KAZN: variants seen among roughly 807,000 people sequenced by gnomAD.
KAZN encodes the protein kazrin, periplakin interacting protein.
A neutral mutation model predicts 87.4 loss-of-function variants in KAZN; 40 were observed. The ratio of observed to expected loss-of-function variants is 0.46; its 90% CI spans 0.36 to 0.60. The LOEUF (loss-of-function observed/expected upper bound fraction) is 0.60. Among genes scored for constraint, KAZN ranks in the 20% least tolerant of loss-of-function variants. KAZN has a pLI of 0.00. For synonymous variants in KAZN, 466 were observed against 458.3 expected (o/e 1.02, Z -0.22); for missense variants, 898 against 1,073.9 (o/e 0.84, Z 2.29).
At chr1:15,087,045 C>G (rs1640290979) in intron 8 of KAZN, among the ~76,000 whole-genome samples, 1 of 152,228 alleles carries the variant, frequency 6.6e-6, no homozygotes, top group Non-Finnish European at 1.5e-5. Flanking sequence ...AGAACTACAA[C>G]TACTATACTA....
chr1:15,109,947 G>GTT (rs1159608021), intron 13 of KAZN, among the ~76,000 whole-genome samples: 28 of 150,804 alleles, frequency 1.9e-4, no homozygotes, highest in African/African-American at 3.2e-4. Flanking sequence ...GTGTGTTTGT[G>GTT]TATGTGTTTG....
At chr1:14,062,485 C>T (rs1296043165) in intron 1 of KAZN, among the ~76,000 whole-genome samples, 2 of 152,028 alleles carry the variant, frequency 1.3e-5, no homozygotes, top group African/African-American at 4.8e-5. Context: ...TTTGTTTATT[C>T]AGGCAAATGG....
At chr1:14,020,224 A>G (rs1431779918) in intron 1 of KAZN, among the ~76,000 whole-genome samples, 1 of 152,202 alleles carries the variant, frequency 6.6e-6, no homozygotes, top group African/African-American at 2.4e-5. Context: ...GTAAATACAG[A>G]TGAAGCTTTG....
intron 8 of KAZN, chr1:15,067,443 T>C: frequency 1.0e-6 from 1 of 985,488 alleles, no homozygotes; most frequent in Non-Finnish European, 1.2e-6. Context: ...ACGGAGGATG[T>C]GTGAGCTGTT....
Position 14,769,211 on chromosome 1 carries a change from T to C in KAZN, c.226+169988T>C. Among the ~76,000 whole-genome samples the C allele has an allele frequency of 6.6e-6, 1 of 152,178 alleles. No individual in the cohort carries two copies. The highest frequency in any genetic ancestry group is 1.9e-4 in the East Asian group (1 of 5,174). ...CATCAGTCCTTCACTCTGATAAGCT[T>C]GGCGTGCTAGTTTCCATGGACTTTT... On this transcript the variant is annotated intron_variant, in intron 1 of 14. Coordinates refer to ENST00000376030, the MANE Select transcript of KAZN (RefSeq NM_201628.3). The surrounding 1 kb of genome is among the most constrained non-coding windows in gnomAD (Gnocchi z 4.1).
At chr1:14,021,996 C>A in intron 1 of KAZN, among the ~76,000 whole-genome samples, 1 of 114,398 alleles carries the variant, frequency 8.7e-6, no homozygotes. Context: ...AGGTGCAATG[C>A]ATCATCAGTC....
intron 2 of KAZN, among the ~76,000 whole-genome samples, chr1:14,360,971 TAGG>T (rs1053827250): frequency 6.6e-6 from 1 of 152,202 alleles, no homozygotes; most frequent in African/African-American, 2.4e-5. Context: ...AGCACTGTGC[TAGG>T]AGATCGGCTG....
intron 1 of KAZN, among the ~76,000 whole-genome samples, chr1:14,823,197 T>C (rs77666513): frequency 0.057 from 8,690 of 152,188 alleles, 264 homozygotes; most frequent in Non-Finnish European, 0.061. Flanking sequence ...GAATCCGGAT[T>C]CCTAATTCCT....
intron 2 of KAZN, among the ~76,000 whole-genome samples, chr1:14,278,143 C>A (rs1272808475): frequency 7.4e-6 from 1 of 135,028 alleles, no homozygotes; most frequent in Non-Finnish European, 1.5e-5. Flanking sequence ...GCACTCCAGC[C>A]TGGGCAACAA....
In KAZN at chr1:14,310,490, G is replaced by A. The variant is rs142776633; in HGVS notation, c.249+129898G>A. 3.4e-3 allele frequency among the ~76,000 whole-genome samples: 514 copies of A among 152,208 alleles called. 1 individual carries two copies. Among genetic ancestry groups the A allele is most frequent in the South Asian group, 0.016 (75 of 4,818 alleles). On this transcript the variant is annotated intron_variant, in intron 2 of 16. Coordinates refer to the KAZN transcript ENST00000636203. ...TAGCATAAATCTCTCTATTGGTTCC[G>A]TGGAAAACACACACGCCCACGCATT...
chr1:15,091,091 T>G (rs764650893), intron 8 of KAZN, among the ~76,000 whole-genome samples: 1 of 152,098 alleles, frequency 6.6e-6, no homozygotes, highest in African/African-American at 2.4e-5. Flanking sequence ...CAGAAAAGTA[T>G]GCACAGTCAC....
At chr1:14,467,118 A>T (rs1668200796) in intron 2 of KAZN, among the ~76,000 whole-genome samples, 1 of 152,226 alleles carries the variant, frequency 6.6e-6, no homozygotes, top group African/African-American at 2.4e-5. Flanking sequence ...AGCAATTATG[A>T]TAAAATTGTG....
At chr1:15,080,612 C>T (rs561505999) in intron 8 of KAZN, among the ~76,000 whole-genome samples, 1 of 152,246 alleles carries the variant, frequency 6.6e-6, no homozygotes, top group Non-Finnish European at 1.5e-5. Context: ...AAAGCATCTA[C>T]ATCCAACAGG....
At chr1:14,907,228 T>G (rs1656692814) in intron 1 of KAZN, among the ~76,000 whole-genome samples, 1 of 151,088 alleles carries the variant, frequency 6.6e-6, no homozygotes, top group African/African-American at 2.4e-5. Flanking sequence ...AAACCCCATC[T>G]CTACCAAAAA....
intron 1 of KAZN, among the ~76,000 whole-genome samples, chr1:13,979,500 A>C (rs1312759075): frequency 6.6e-6 from 1 of 152,262 alleles, no homozygotes; most frequent in African/African-American, 2.4e-5. Flanking sequence ...CTGCACTAAA[A>C]GGAATATTTA....
chr1:14,597,460 T>G (rs1676584567), upstream of KAZN, among the ~76,000 whole-genome samples: 1 of 152,212 alleles, frequency 6.6e-6, no homozygotes, highest in Non-Finnish European at 1.5e-5. Flanking sequence ...GTCACCTGGT[T>G]TCTGCGGGCC....
chr1:14,719,949 G>A (rs1410093248), intron 1 of KAZN, among the ~76,000 whole-genome samples: 1 of 148,174 alleles, frequency 6.7e-6, no homozygotes, highest in Admixed American at 6.8e-5. Context: ...GAAAACAACA[G>A]GGGAATTAGA....
chr1:14,811,570 GA>G (rs1381541920), intron 1 of KAZN, among the ~76,000 whole-genome samples: 1 of 152,194 alleles, frequency 6.6e-6, no homozygotes, highest in Non-Finnish European at 1.5e-5. Flanking sequence ...AGTTCGCAAA[GA>G]TTTTTTTGCA....
chr1:14,859,381 G>A (rs559581111), intron 1 of KAZN, among the ~76,000 whole-genome samples: 22 of 152,216 alleles, frequency 1.4e-4, no homozygotes, highest in African/African-American at 4.6e-4. Flanking sequence ...ACTGGCCCAC[G>A]GTCACGCAGC....
Sources: allele counts gnomAD v4.1 joint callset (sites outside exome capture counted in the v4.1 genomes callset), GRCh38; gene constraint gnomAD v4.1.1; non-coding constraint Gnocchi (gnomAD v3.1); transcripts MANE v1.5; gene names NCBI Gene and HGNC (gene_info 2026-07-23, HGNC 2026-07-21).